PITPNB: variants seen among roughly 807,000 people sequenced by gnomAD.
The protein encoded by PITPNB is phosphatidylinositol transfer protein beta, also known as phosphatidylinositol transfer protein beta isoform.
PITPNB carries 16 observed loss-of-function variants against 45.9 expected under a neutral mutation model. The ratio of observed to expected loss-of-function variants is 0.35; its 90% CI spans 0.24 to 0.53. PITPNB has a LOEUF of 0.53. Among genes scored for constraint, PITPNB ranks in the 20% least tolerant of loss-of-function variants. The probability of loss-of-function intolerance (pLI) is 0.93; values close to 1 mark genes in which losing one functional copy is unlikely to be tolerated. For missense variants in PITPNB, 188 were observed against 330.5 expected, an observed-to-expected ratio of 0.57 and a Z score of 3.34; for synonymous variants, 112 against 108.9, an observed-to-expected ratio of 1.03 and a Z score of -0.18.
chr22:27,861,968 C>T (rs1438750906), intron 8 of PITPNB, among the ~76,000 whole-genome samples: 7 of 152,160 alleles, frequency 4.6e-5, no homozygotes, highest in South Asian at 2.1e-4. Flanking sequence ...TGCAACACGA[C>T]GGGGACCCCT....
intron 1 of PITPNB, among the ~76,000 whole-genome samples, chr22:27,916,070 G>T (rs1362300442): frequency 6.6e-6 from 1 of 152,198 alleles, no homozygotes; most frequent in Non-Finnish European, 1.5e-5. Flanking sequence ...AAGGGATAGA[G>T]AAAGAAGAGT....
At chr22:27,862,317 C>A (rs1319707797) in intron 8 of PITPNB, among the ~76,000 whole-genome samples, 1 of 152,060 alleles carries the variant, frequency 6.6e-6, no homozygotes, top group African/African-American at 2.4e-5. Flanking sequence ...TCTACCATGG[C>A]CCAGTTTTAA....
At position 27,853,221 on chromosome 22, in the gene PITPNB, G is replaced by C. The variant is rs2146340712; in HGVS notation, c.*481C>G. On this transcript the variant is annotated 3_prime_UTR_variant, in exon 12 of 12. Transcript: ENST00000335272. ...TTAAAAGAAGAGAAAAATAATAAAA[G>C]GCTATATATGTTGGTCCACAGCTTG... is the stretch of plus-strand genomic sequence containing the variant. The C allele has an allele frequency of 5.8e-6, 1 of 171,556 alleles. No individual in the cohort carries two copies. The highest frequency in any genetic ancestry group is 1.2e-5 in the Non-Finnish European group (1 of 80,826). 10.6% of individuals were successfully genotyped at this position (171,556 alleles called of 1,614,324 possible). A position where few individuals can be genotyped will look rare whatever the true frequency, so the allele number is the denominator to read the frequency against.
chr22:27,885,799 C>T (rs1198313357), intron 7 of PITPNB, among the ~76,000 whole-genome samples: 5 of 152,098 alleles, frequency 3.3e-5, no homozygotes, highest in East Asian at 1.9e-4. Context: ...CTCCAAAAAG[C>T]CTTTTCTTCT....
At chr22:27,908,922 A>C (rs1935838938) in intron 3 of PITPNB, among the ~76,000 whole-genome samples, 1 of 152,200 alleles carries the variant, frequency 6.6e-6, no homozygotes, top group Non-Finnish European at 1.5e-5. Flanking sequence ...ATAAAATTTA[A>C]GGTTCTATAA....
chr22:27,858,320 T>A, intron 10 of PITPNB, 67 bp downstream of exon 10: 1 of 1,222,162 alleles, frequency 8.2e-7, no homozygotes, highest in Admixed American at 2.3e-5. Context: ...ACTCTGTATT[T>A]ACCAAGCATG....
chr22:27,901,355 A>C (rs1935587547), intron 3 of PITPNB, among the ~76,000 whole-genome samples: 1 of 152,194 alleles, frequency 6.6e-6, no homozygotes, highest in South Asian at 2.1e-4. Flanking sequence ...CCTGGAAATT[A>C]TTATGTCTAT....
chr22:27,875,839 G>C (rs1441673076), intron 7 of PITPNB, among the ~76,000 whole-genome samples: 1 of 152,122 alleles, frequency 6.6e-6, no homozygotes, highest in Non-Finnish European at 1.5e-5. Flanking sequence ...CAGTCTAGTT[G>C]GGATAAAGAA....
intron 6 of PITPNB, 102 bp downstream of exon 6, chr22:27,896,450 C>G: frequency 1.2e-6 from 1 of 804,638 alleles, no homozygotes. Flanking sequence ...TTGGTGCGGT[C>G]AGATACACAG....
intron 7 of PITPNB, among the ~76,000 whole-genome samples, chr22:27,883,755 A>G (rs1299130613): frequency 6.6e-6 from 1 of 152,216 alleles, no homozygotes; most frequent in African/African-American, 2.4e-5. Flanking sequence ...CTTCCAGGCA[A>G]TCTTCAGAGA....
chr22:27,915,959 T>C (rs982912960), intron 1 of PITPNB, among the ~76,000 whole-genome samples: 26 of 152,084 alleles, frequency 1.7e-4, no homozygotes, highest in African/African-American at 6.0e-4. Context: ...TTGAAAACAC[T>C]GACAAGCAGG....
At chr22:27,915,949 T>C (rs952523846) in intron 1 of PITPNB, among the ~76,000 whole-genome samples, 10 of 152,002 alleles carry the variant, frequency 6.6e-5, no homozygotes, top group Non-Finnish European at 8.8e-5. Context: ...CTGCAGGTGG[T>C]TGAAAACACT....
chr22:27,883,344 C>CA (rs753971891), intron 7 of PITPNB, among the ~76,000 whole-genome samples: 23 of 152,338 alleles, frequency 1.5e-4, no homozygotes, highest in Non-Finnish European at 3.1e-4. Context: ...CCCTGGGCTA[C>CA]AAATTCTTTT....
chr22:27,903,615 CA>C (rs902576685), intron 3 of PITPNB, among the ~76,000 whole-genome samples: 69 of 142,536 alleles, frequency 4.8e-4, no homozygotes, highest in Non-Finnish European at 5.6e-4. Context: ...CCCACCTCTA[CA>C]AAAAAAAAAA....
At chr22:27,893,811 A>G (rs1256944800) in intron 7 of PITPNB, among the ~76,000 whole-genome samples, 1 of 151,834 alleles carries the variant, frequency 6.6e-6, no homozygotes, top group Non-Finnish European at 1.5e-5. Flanking sequence ...GGCTGGTCTC[A>G]AGCTCCTGTG....
intron 2 of PITPNB, among the ~76,000 whole-genome samples, chr22:27,913,327 T>C (rs1935988252): frequency 6.6e-6 from 1 of 152,230 alleles, no homozygotes; most frequent in Admixed American, 6.5e-5. Context: ...CTGTCACTTC[T>C]TAGGTTATCA....
At chr22:27,896,508 G>T in intron 6 of PITPNB, 44 bp downstream of exon 6, 1 of 1,276,952 alleles carries the variant, frequency 7.8e-7, no homozygotes, top group Non-Finnish European at 1.1e-6. Flanking sequence ...TAGAATTCTC[G>T]TTTCCAGGGA....
At chr22:27,887,418 C>G (rs1003800444) in intron 7 of PITPNB, among the ~76,000 whole-genome samples, 1 of 152,208 alleles carries the variant, frequency 6.6e-6, no homozygotes, top group African/African-American at 2.4e-5. Flanking sequence ...AGGGTAAGAG[C>G]TGGGGCTGAC....
At chr22:27,918,157 T>C (rs1936140130) in intron 1 of PITPNB, among the ~76,000 whole-genome samples, 1 of 152,172 alleles carries the variant, frequency 6.6e-6, no homozygotes, top group Non-Finnish European at 1.5e-5. Context: ...TTGACTTTTA[T>C]TCTGGGTGAG....
Sources: gnomAD v4.1 joint callset for allele counts (sites outside exome capture counted in the v4.1 genomes callset) on GRCh38, gnomAD v4.1.1 for gene constraint, MANE v1.5 for transcripts, NCBI Gene and HGNC (gene_info 2026-07-23, HGNC 2026-07-21) for gene names.